Variants in SH3GL2 observed in about 807,000 individuals in gnomAD.
SH3GL2 encodes the protein SH3 domain containing GRB2 like 2, endophilin A1, also known as endophilin-A1.
A neutral mutation model predicts 46.0 loss-of-function variants in SH3GL2; 24 were observed. The observed-to-expected ratio is 0.52, with a 90% CI of 0.38 to 0.73. SH3GL2 has a LOEUF of 0.73. Ranked by LOEUF, SH3GL2 falls within the 30% of genes least tolerant of loss-of-function variation. The pLI is 0.00. For synonymous variants in SH3GL2, 196 were observed against 147.1 expected, an observed-to-expected ratio of 1.33 and a Z score of -2.40; for missense variants, 413 against 424.2, an observed-to-expected ratio of 0.97 and a Z score of 0.23.
chr9:17,641,484 A>G (rs894535478), intron 1 of SH3GL2, among the ~76,000 whole-genome samples: 5 of 152,150 alleles, frequency 3.3e-5, no homozygotes, highest in African/African-American at 9.7e-5. Flanking sequence ...ATACATGTGG[A>G]GAATGTGCAG....
rs543057709 is a variant in SH3GL2 at position 17,632,164 on chromosome 9, A to G, written c.45+52877A>G. 2.0e-5 allele frequency among the ~76,000 whole-genome samples: 3 copies of G among 152,316 alleles called. No homozygotes were observed. In the East Asian group the frequency reaches 5.8e-4, roughly 29 times the overall value. On this transcript the variant is annotated intron_variant, in intron 1 of 8. Transcript: ENST00000380607. ...TGCCATTTGCTTTAATGCTGGGTTAAAATTGTCCTTGAATTTAAAAATTAG... is the reference window on the plus strand; with the variant it reads ...TGCCATTTGCTTTAATGCTGGGTTAGAATTGTCCTTGAATTTAAAAATTAG...
intron 1 of SH3GL2, among the ~76,000 whole-genome samples, chr9:17,661,658 A>G (rs2117890147): frequency 6.6e-6 from 1 of 152,346 alleles, no homozygotes; most frequent in Admixed American, 6.5e-5. Flanking sequence ...TAAATAAAAC[A>G]AAACATGCCC....
intron 1 of SH3GL2, among the ~76,000 whole-genome samples, chr9:17,704,085 C>T (rs1369337321): frequency 6.6e-6 from 1 of 152,022 alleles, no homozygotes; most frequent in Non-Finnish European, 1.5e-5. Flanking sequence ...TAAATAACTT[C>T]AGTGAAATTT....
intron 7 of SH3GL2, among the ~76,000 whole-genome samples, 188 bp from the exon 8 acceptor site, chr9:17,793,179 A>G (rs1824182497): frequency 6.6e-6 from 1 of 152,232 alleles, no homozygotes; most frequent in East Asian, 1.9e-4. Flanking sequence ...ACATGGCCCC[A>G]TAAAGGGACA....
At position 17,697,122 on chromosome 9, in the gene SH3GL2, A is replaced by T. The variant is rs1821222862; in HGVS notation, c.46-49944A>T. On this transcript the variant is annotated intron_variant, in intron 1 of 8. Transcript: ENST00000380607. ...GCCACATGGGCTGTGAAAACCGGGC[A>T]CTCAGGGCTGGATAGATTGATTGCT... Among the ~76,000 whole-genome samples the T allele has an allele frequency of 2.0e-5, 3 of 152,048 alleles. No individual in the cohort carries two copies. In the South Asian group the frequency reaches 6.2e-4, roughly 32 times the overall value.
At chr9:17,723,332 T>G (rs1438955310) in intron 1 of SH3GL2, among the ~76,000 whole-genome samples, 1 of 152,168 alleles carries the variant, frequency 6.6e-6, no homozygotes, top group Non-Finnish European at 1.5e-5. Flanking sequence ...GTTCTCTGGT[T>G]GTTTTATGTA....
At chr9:17,704,191 A>G (rs988748780) in intron 1 of SH3GL2, among the ~76,000 whole-genome samples, 6 of 151,962 alleles carry the variant, frequency 3.9e-5, no homozygotes, top group African/African-American at 1.2e-4. Flanking sequence ...CCCATTCACA[A>G]TAGCCACAAA....
In SH3GL2 at chr9:17,787,376, C is replaced by T; in HGVS notation, c.332-4C>T. On this transcript the variant is annotated splice_polypyrimidine_tract_variant and splice_region_variant and intron_variant, in intron 4 of 8. Coordinates refer to ENST00000380607, the MANE Select transcript of SH3GL2 (RefSeq NM_003026.5). ...TAACATGAAAGAGCTTTATTCTCTC[C>T]TAGGCCCAGCACTTGGTGAGGTCGG... 2.5e-6 allele frequency: 4 copies of T among 1,612,282 alleles called. No homozygotes were observed. The highest frequency in any genetic ancestry group is 2.2e-5 in the East Asian group (1 of 44,844).
At chr9:17,763,510 C>A (rs36048313) in intron 3 of SH3GL2, among the ~76,000 whole-genome samples, 1 of 152,002 alleles carries the variant, frequency 6.6e-6, no homozygotes, top group Non-Finnish European at 1.5e-5. Context: ...TGAAGTTACA[C>A]GTCACGAGCA....
intron 1 of SH3GL2, among the ~76,000 whole-genome samples, chr9:17,738,323 C>A (rs918305494): frequency 6.6e-6 from 1 of 151,620 alleles, no homozygotes; most frequent in Non-Finnish European, 1.5e-5. Flanking sequence ...TCTTTTTAAG[C>A]ACCTTGCATA....
At chr9:17,614,067 G>A (rs1167196109) in intron 1 of SH3GL2, among the ~76,000 whole-genome samples, 1 of 151,796 alleles carries the variant, frequency 6.6e-6, no homozygotes, top group Non-Finnish European at 1.5e-5. Flanking sequence ...GAAGGCTCTG[G>A]GAAAAATGCC....
chr9:17,716,696 T>A (rs1223946139), intron 1 of SH3GL2, among the ~76,000 whole-genome samples: 1 of 152,162 alleles, frequency 6.6e-6, no homozygotes, highest in African/African-American at 2.4e-5. Context: ...AGTGCAGCTC[T>A]ATTCACTCTG....
intron 1 of SH3GL2, among the ~76,000 whole-genome samples, chr9:17,650,942 A>G (rs3808726): frequency 0.46 from 69,254 of 151,892 alleles, 16,786 homozygotes; most frequent in Non-Finnish European, 0.55. Flanking sequence ...GAATTCTGGC[A>G]CCATTTCATA....
At chr9:17,795,505 C>G (rs771723587) in intron 8 of SH3GL2, 39 bp from the exon 9 acceptor site, 30 of 1,553,310 alleles carry the variant, frequency 1.9e-5, no homozygotes, top group Middle Eastern at 3.4e-4. Context: ...ACCCCTTATC[C>G]TTTTGTGTTC....
chr9:17,728,137 G>GT (rs1822070103), intron 1 of SH3GL2, among the ~76,000 whole-genome samples: 1 of 152,134 alleles, frequency 6.6e-6, no homozygotes, highest in Non-Finnish European at 1.5e-5. Context: ...TTGAAATAAT[G>GT]TAACAGATTT....
At position 17,772,004 on chromosome 9, in the gene SH3GL2, A is replaced by G. The variant is rs541876211; in HGVS notation, c.187+10495A>G. 3.9e-5 allele frequency among the ~76,000 whole-genome samples: 6 copies of G among 152,158 alleles called. 1 individual carries two copies. Among genetic ancestry groups the G allele is most frequent in the African/African-American group, 1.4e-4 (6 of 41,514 alleles). On this transcript the variant is annotated intron_variant, in intron 3 of 8. Coordinates refer to ENST00000380607, the MANE Select transcript of SH3GL2 (RefSeq NM_003026.5). ...TTACCTAAGTTCTCATTACAGTATA[A>G]CTCTTTCTGTCATTTCGTAATTGTT...
chr9:17,745,560 A>G (rs1300117110), intron 1 of SH3GL2, among the ~76,000 whole-genome samples: 3 of 152,150 alleles, frequency 2.0e-5, no homozygotes, highest in Admixed American at 6.5e-5. Flanking sequence ...GACATCTGGT[A>G]TGCAGGGCCA....
At chr9:17,645,182 T>TTTTTTTTTTTA (rs1819781790) in intron 1 of SH3GL2, among the ~76,000 whole-genome samples, 3 of 72,704 alleles carry the variant, frequency 4.1e-5, no homozygotes, top group Non-Finnish European at 8.6e-5. Flanking sequence ...TTTTTTTTTT[T>TTTTTTTTTTTA]GCTTTCCATT....
chr9:17,594,750 A>C (rs1212645007), intron 1 of SH3GL2, among the ~76,000 whole-genome samples: 1 of 152,196 alleles, frequency 6.6e-6, no homozygotes, highest in Non-Finnish European at 1.5e-5. Flanking sequence ...TAGGGTGGGT[A>C]TAAAGAGAAG....
Sources: gnomAD v4.1 joint callset for allele counts (sites outside exome capture counted in the v4.1 genomes callset) on GRCh38, gnomAD v4.1.1 for gene constraint, MANE v1.5 for transcripts, NCBI Gene and HGNC (gene_info 2026-07-23, HGNC 2026-07-21) for gene names.